Variants in ADAMTS17 observed in about 807,000 individuals in gnomAD.
The protein encoded by ADAMTS17 is ADAM metallopeptidase with thrombospondin type 1 motif 17, also known as A disintegrin and metalloproteinase with thrombospondin motifs 17.
ADAMTS17 carries 113 observed loss-of-function variants against 141.5 expected under a neutral mutation model. The ratio of observed to expected loss-of-function variants is 0.80; its 90% CI spans 0.69 to 0.93. ADAMTS17 has a LOEUF of 0.93. ADAMTS17 is among the 40% of genes least tolerant of loss of function. The probability of loss-of-function intolerance (pLI) is 0.00; values close to 1 mark genes in which losing one functional copy is unlikely to be tolerated. For synonymous variants in ADAMTS17, 768 were observed against 630.6 expected (o/e 1.22, Z -3.27); for missense variants, 1,659 against 1,517.9 (o/e 1.09, Z -1.54).
In ADAMTS17 at chr15:100,126,565, C is replaced by T. The variant is rs538064506; in HGVS notation, c.1721+5442G>A. Among the ~76,000 whole-genome samples, 6 of 152,300 alleles carry T rather than the reference C, an allele frequency of 3.9e-5. No individual in the cohort carries two copies. The East Asian group carries it at 1.2e-3, about 29-fold the overall frequency. On this transcript the variant is annotated intron_variant, in intron 12 of 21. Transcript: ENST00000268070. ...ATAGGCCTCATGTGGCCGTTTATAG[C>T]ATCTGGGCCTCAGTGAGGGGAGATG...
Position 100,324,357 on chromosome 15 carries a change from T to G in ADAMTS17, c.616+6532A>C, listed in dbSNP as rs145487658. On this transcript the variant is annotated intron_variant, in intron 3 of 21. Coordinates refer to ENST00000268070, the MANE Select transcript of ADAMTS17 (RefSeq NM_139057.4). The stretch of plus-strand genomic sequence containing the variant: ...GCTCTGAAGCAAATCTGACCACATG[T>G]TAACATAGGGTAGGTCTGAATACTG... Among the ~76,000 whole-genome samples the G allele has an allele frequency of 1.6e-3, 248 of 152,306 alleles. 1 individual carries two copies. Among genetic ancestry groups the G allele is most frequent in the African/African-American group, 5.6e-3 (231 of 41,578 alleles).
At chr15:100,249,321 T>C (rs1305602833) in intron 7 of ADAMTS17, among the ~76,000 whole-genome samples, 1 of 152,224 alleles carries the variant, frequency 6.6e-6, no homozygotes, top group Non-Finnish European at 1.5e-5. Context: ...GCATTGGTCA[T>C]CTTGGGCTGT....
intron 8 of ADAMTS17, among the ~76,000 whole-genome samples, chr15:100,178,953 AT>A (rs542745593): frequency 1.1e-4 from 16 of 151,536 alleles, no homozygotes; most frequent in South Asian, 2.1e-4. Context: ...ATTGTTCCCA[AT>A]TTTTTTTTCC....
chr15:100,297,216 A>C (rs2044854551), intron 3 of ADAMTS17, among the ~76,000 whole-genome samples: 1 of 152,176 alleles, frequency 6.6e-6, no homozygotes, highest in South Asian at 2.1e-4. Flanking sequence ...TAGAAACTGC[A>C]AGGAGGCAAG....
chr15:99,973,186 C>T lies in ADAMTS17; in HGVS notation c.*1216G>A, dbSNP rs2060247631. 1 of 152,160 alleles carries T rather than the reference C, an allele frequency of 6.6e-6. No individual in the cohort carries two copies. Among genetic ancestry groups the T allele is most frequent in the South Asian group, 2.1e-4 (1 of 4,826 alleles). The allele number at this position is 152,160 out of a possible 1,614,324, so 9.4% of individuals were successfully genotyped here. ...GGAAGGACCTTCCTTCATCATGCAT[C>T]ATCCTTGCCCCACCAAGAAGATGGG... is the stretch of plus-strand genomic sequence containing the variant. On this transcript the variant is annotated 3_prime_UTR_variant, in exon 22 of 22. Transcript: ENST00000268070.
In ADAMTS17 at chr15:100,050,154, G is replaced by A. The variant is rs769377895; in HGVS notation, c.2456-1162C>T. On this transcript the variant is annotated intron_variant, in intron 17 of 21. Transcript: ENST00000268070. ...AGCCTCGCATGAGTACAGAAAGCAC[G>A]GAACTGCTTTCAGCTTTGGTGGCAG... Among the ~76,000 whole-genome samples the A allele has an allele frequency of 4.2e-4, 64 of 152,242 alleles. 1 individual carries two copies. The highest frequency in any genetic ancestry group is 6.2e-4 in the South Asian group (3 of 4,824).
At chr15:100,238,192 A>T (rs1418202636) in intron 7 of ADAMTS17, among the ~76,000 whole-genome samples, 1 of 152,194 alleles carries the variant, frequency 6.6e-6, no homozygotes, top group Non-Finnish European at 1.5e-5. Context: ...ACATGAGTGT[A>T]ATGTCCAAAT....
intron 18 of ADAMTS17, among the ~76,000 whole-genome samples, chr15:100,045,207 G>C (rs1181825672): frequency 6.6e-6 from 1 of 151,830 alleles, no homozygotes; most frequent in African/African-American, 2.4e-5. Flanking sequence ...ATAATCATTT[G>C]GGACGATTAT....
chr15:100,039,656 C>T (rs1301095554), intron 18 of ADAMTS17, among the ~76,000 whole-genome samples: 1 of 152,090 alleles, frequency 6.6e-6, no homozygotes. Context: ...ATTTACTGGC[C>T]TAGTGTATGA....
intron 15 of ADAMTS17, among the ~76,000 whole-genome samples, chr15:100,069,666 T>C (rs1162619758): frequency 6.6e-6 from 1 of 151,918 alleles, no homozygotes; most frequent in African/African-American, 2.4e-5. Context: ...GAAGGAGAAA[T>C]AAAATACTAT....
Position 100,306,262 on chromosome 15 carries a change from G to T in ADAMTS17, c.616+24627C>A, listed in dbSNP as rs1443178572. 6 of 342,352 alleles carry T rather than the reference G, an allele frequency of 1.8e-5. No homozygotes were observed. The Admixed American group carries it at 2.3e-4, about 13-fold the overall frequency. 21.2% of individuals were successfully genotyped at this position (342,352 alleles called of 1,614,324 possible). A position where few individuals can be genotyped will look rare whatever the true frequency, so the allele number is the denominator to read the frequency against. ...ATCTCTCTGCCCTTGAACCTGGGTA[G>T]GTTTCTAACCGCTTCAGCCAACAGA... On this transcript the variant is annotated intron_variant, in intron 3 of 21. Coordinates refer to ENST00000268070, the MANE Select transcript of ADAMTS17 (RefSeq NM_139057.4).
rs562303647 is a variant in ADAMTS17 at position 100,073,484 on chromosome 15, T to C, written c.2138-19430A>G. Among the ~76,000 whole-genome samples the C allele has an allele frequency of 7.2e-3, 1,094 of 151,982 alleles. 13 individuals carry two copies. The highest frequency in any genetic ancestry group is 0.025 in the African/African-American group (1,045 of 41,332). On this transcript the variant is annotated intron_variant, in intron 15 of 21. Transcript: ENST00000268070. ...CACACGTATGTTTATTGCGGCACTA[T>C]TCACAATAGCAAAGACTTGGAACCA...
chr15:100,068,461 G>A (rs192363915), intron 15 of ADAMTS17, among the ~76,000 whole-genome samples: 2 of 152,320 alleles, frequency 1.3e-5, no homozygotes, highest in South Asian at 2.1e-4. Flanking sequence ...CTCCTCAAGT[G>A]GGTCCCTGAC....
intron 15 of ADAMTS17, among the ~76,000 whole-genome samples, chr15:100,085,825 C>T (rs2035062994): frequency 1.3e-5 from 2 of 152,002 alleles, no homozygotes; most frequent in South Asian, 4.2e-4. Context: ...CAGGCCTGCC[C>T]TACAAGAGCT....
At chr15:100,180,369 G>A (rs934022708) in intron 8 of ADAMTS17, among the ~76,000 whole-genome samples, 1 of 152,124 alleles carries the variant, frequency 6.6e-6, no homozygotes, top group Non-Finnish European at 1.5e-5. Flanking sequence ...CTGTTCCATT[G>A]CTCTGTGTAT....
Position 100,271,971 on chromosome 15 carries a change from C to T in ADAMTS17, c.789+9258G>A, listed in dbSNP as rs118099757. On this transcript the variant is annotated intron_variant, in intron 4 of 21. Coordinates refer to ENST00000268070, the MANE Select transcript of ADAMTS17 (RefSeq NM_139057.4). ...TTCCCAGCACCAGTTCTTGAAAAGACTGTCACTTCTCTATTGAAGGTCTCG... is the reference window on the plus strand; with the variant it reads ...TTCCCAGCACCAGTTCTTGAAAAGATTGTCACTTCTCTATTGAAGGTCTCG... Among the ~76,000 whole-genome samples the T allele has an allele frequency of 5.5e-3, 845 of 152,254 alleles. 3 individuals carry two copies. Among genetic ancestry groups the T allele is most frequent in the Non-Finnish European group, 9.0e-3 (615 of 67,988 alleles).
chr15:100,241,509 C>A (rs1252585624), intron 7 of ADAMTS17, among the ~76,000 whole-genome samples: 1 of 152,238 alleles, frequency 6.6e-6, no homozygotes, highest in Admixed American at 6.5e-5. Flanking sequence ...TCTCAACACA[C>A]TTTACTTCTC....
At chr15:100,211,321 G>A (rs2054566) in intron 7 of ADAMTS17, among the ~76,000 whole-genome samples, 2 of 137,912 alleles carry the variant, frequency 1.5e-5, no homozygotes, top group Non-Finnish European at 3.1e-5. Flanking sequence ...AAAAAAAAAA[G>A]TTAGAAGAGC....
intron 18 of ADAMTS17, among the ~76,000 whole-genome samples, chr15:100,029,791 G>C (rs1042643853): frequency 6.6e-6 from 1 of 152,194 alleles, no homozygotes; most frequent in Non-Finnish European, 1.5e-5. Flanking sequence ...TTTCCACCAT[G>C]CTTTCTGAGT....
Sources: allele counts gnomAD v4.1 joint callset (sites outside exome capture counted in the v4.1 genomes callset), GRCh38; gene constraint gnomAD v4.1.1; transcripts MANE v1.5; gene names NCBI Gene and HGNC (gene_info 2026-07-23, HGNC 2026-07-21).